The following HHAT variants were observed in gnomAD, a reference collection of about 807,000 sequenced individuals.
HHAT encodes the protein protein-cysteine N-palmitoyltransferase HHAT.
HHAT carries 47 observed loss-of-function variants against 70.8 expected under a neutral mutation model. That is an observed-to-expected ratio of 0.66 (90% CI 0.53 to 0.85). The LOEUF is 0.85. Among genes scored for constraint, HHAT ranks in the 40% least tolerant of loss-of-function variants. The pLI is 0.00. For synonymous variants in HHAT, 228 were observed against 247.6 expected (o/e 0.92, Z 0.74); for missense variants, 609 against 604.8 (o/e 1.01, Z -0.07).
At chr1:210,416,684 A>G (rs1218467494) in intron 6 of HHAT, among the ~76,000 whole-genome samples, 1 of 152,132 alleles carries the variant, frequency 6.6e-6, no homozygotes, top group African/African-American at 2.4e-5. Flanking sequence ...ATCTGTATCT[A>G]TGAATAATCA....
Position 210,674,524 on chromosome 1 carries a change from T to C in HHAT, c.*145T>C. ...CCTCACTCCAAGACTGGATGCTGGA[T>C]CTCATAGAAAATTCACAGCCAGACA... On this transcript the variant is annotated 3_prime_UTR_variant, in exon 12 of 12. Coordinates refer to ENST00000261458, the MANE Select transcript of HHAT (RefSeq NM_018194.6). 1 of 603,210 alleles carries C rather than the reference T, an allele frequency of 1.7e-6. No individual in the cohort carries two copies. The highest frequency in any genetic ancestry group is 2.2e-5 in the South Asian group (1 of 46,256). 37.4% of individuals were successfully genotyped at this position (603,210 alleles called of 1,614,324 possible).
At position 210,559,965 on chromosome 1, in the gene HHAT, G is replaced by T. The variant is rs182437276; in HGVS notation, c.1044-27933G>T. Among the ~76,000 whole-genome samples the T allele has an allele frequency of 3.1e-3, 468 of 151,540 alleles. 1 individual carries two copies. The highest frequency in any genetic ancestry group is 0.01 in the African/African-American group (427 of 40,832). On this transcript the variant is annotated intron_variant, in intron 9 of 11. Transcript: ENST00000261458. ...GAGCAGCTCTCTCTGGTAGTGCCAG[G>T]GGATTGGAGGCTTTCATCCACTAAT...
chr1:210,493,125 A>G (rs1271899862), intron 8 of HHAT, among the ~76,000 whole-genome samples: 1 of 152,050 alleles, frequency 6.6e-6, no homozygotes, highest in South Asian at 2.1e-4. Context: ...CACAGTGCTA[A>G]GTTTGCAACT....
chr1:210,589,075 G>A (rs1661105899), intron 10 of HHAT: 1 of 152,154 alleles, frequency 6.6e-6, no homozygotes, highest in African/African-American at 2.4e-5. Flanking sequence ...GAAAAAAGTA[G>A]CTAAAAAGAA....
intron 8 of HHAT, among the ~76,000 whole-genome samples, chr1:210,510,712 T>A (rs1406969963): frequency 3.9e-5 from 6 of 152,246 alleles, no homozygotes; most frequent in African/African-American, 1.4e-4. Context: ...CTGTCAGCTC[T>A]GGGCATACCA....
At chr1:210,335,066 G>C (rs1195996570) in intron 1 of HHAT, among the ~76,000 whole-genome samples, 5 of 152,050 alleles carry the variant, frequency 3.3e-5, no homozygotes, top group African/African-American at 1.2e-4. Flanking sequence ...GCACAATCTT[G>C]TTACTAAAAA....
chr1:210,626,597 T>C (rs750519120), intron 11 of HHAT, among the ~76,000 whole-genome samples: 20 of 152,056 alleles, frequency 1.3e-4, no homozygotes, highest in Non-Finnish European at 2.1e-4. Context: ...TTGCTGTGGG[T>C]TTTTGTCCCT....
At chr1:210,539,799 C>A (rs1458657869) in intron 9 of HHAT, among the ~76,000 whole-genome samples, 2 of 152,056 alleles carry the variant, frequency 1.3e-5, no homozygotes, top group Non-Finnish European at 2.9e-5. Context: ...CTCACGAAGC[C>A]CTGTCATCCT....
At chr1:210,578,568 C>G (rs1340675912) in intron 9 of HHAT, among the ~76,000 whole-genome samples, 1 of 152,028 alleles carries the variant, frequency 6.6e-6, no homozygotes, top group Non-Finnish European at 1.5e-5. Flanking sequence ...ACAGAAATAA[C>G]CTAAATATCT....
chr1:210,624,097 C>G (rs988072488), intron 11 of HHAT, among the ~76,000 whole-genome samples: 2 of 151,956 alleles, frequency 1.3e-5, no homozygotes, highest in African/African-American at 4.8e-5. Flanking sequence ...AGGGGTCTGC[C>G]CGCATGAATG....
chr1:210,412,632 C>G (rs141410455), intron 6 of HHAT, among the ~76,000 whole-genome samples: 152 of 152,332 alleles, frequency 1.0e-3, no homozygotes, highest in Non-Finnish European at 2.0e-3. Context: ...TTACTCTGCC[C>G]TCCAGGCCCA....
At chr1:210,558,798 T>C (rs990621186) in intron 9 of HHAT, among the ~76,000 whole-genome samples, 8 of 152,168 alleles carry the variant, frequency 5.3e-5, no homozygotes, top group Admixed American at 5.2e-4. Flanking sequence ...AGGCCAGGCA[T>C]GCATGGGTTG....
At chr1:210,650,277 C>T (rs1378196184) in intron 11 of HHAT, among the ~76,000 whole-genome samples, 2 of 152,142 alleles carry the variant, frequency 1.3e-5, no homozygotes, top group African/African-American at 2.4e-5. Context: ...ACAAGAGGCT[C>T]AGAGAAGTTG....
chr1:210,415,293 A>T (rs2092686394), intron 6 of HHAT, among the ~76,000 whole-genome samples: 1 of 152,178 alleles, frequency 6.6e-6, no homozygotes, highest in African/African-American at 2.4e-5. Flanking sequence ...GGATTTAGTG[A>T]TTGACTGGCT....
chr1:210,617,567 C>G (rs183378444), intron 10 of HHAT, among the ~76,000 whole-genome samples: 3 of 152,318 alleles, frequency 2.0e-5, no homozygotes, highest in African/African-American at 7.2e-5. Flanking sequence ...GCACCCCAAA[C>G]ATGGCTTAAG....
Position 210,400,609 on chromosome 1 carries a change from T to C in HHAT, c.415T>C (p.Cys139Arg), listed in dbSNP as rs750090558. Residue 139 changes from cysteine to arginine, a missense_variant, in exon 5 of 12, where the codon TGT becomes CGT. Cys to Arg is a radical substitution (Grantham distance 180, BLOSUM62 -3). Transcript: ENST00000261458. ...QFRSQLLTWL[C>R]SLLLLSTLRL... ...CCGGTCTCAGCTCCTGACGTGGCTC[T>C]GTTCTCTCCTCCTCCTCTCCACACT... 6.2e-7 allele frequency: 1 copy of C among 1,614,172 alleles called. No individual in the cohort carries two copies. The highest frequency in any genetic ancestry group is 8.5e-7 in the Non-Finnish European group (1 of 1,180,014).
chr1:210,532,935 G>A lies in HHAT; in HGVS notation c.1043+19747G>A, dbSNP rs144312412. Among the ~76,000 whole-genome samples the A allele has an allele frequency of 1.5e-3, 236 of 152,278 alleles. 1 individual carries two copies. The highest frequency in any genetic ancestry group is 5.4e-3 in the African/African-American group (223 of 41,550). On this transcript the variant is annotated intron_variant, in intron 9 of 11. Transcript: ENST00000261458. ...ACAATATTTATAATGGAAAAATGAG[G>A]CTTGGGTTCATATTCTATTTACTGA... is the stretch of plus-strand genomic sequence containing the variant.
chr1:210,375,677 A>G (rs1411306795), intron 3 of HHAT, among the ~76,000 whole-genome samples: 1 of 149,686 alleles, frequency 6.7e-6, no homozygotes, highest in Non-Finnish European at 1.5e-5. Flanking sequence ...TTTTTTTGCC[A>G]TTATTTCTTT....
At chr1:210,577,137 A>G (rs1657983616) in intron 9 of HHAT, among the ~76,000 whole-genome samples, 1 of 151,836 alleles carries the variant, frequency 6.6e-6, no homozygotes, top group African/African-American at 2.4e-5. Context: ...AACAGACATA[A>G]TGTTATTTCT....
Sources: allele counts gnomAD v4.1 joint callset (sites outside exome capture counted in the v4.1 genomes callset), GRCh38; gene constraint gnomAD v4.1.1; transcripts MANE v1.5; gene names NCBI Gene and HGNC (gene_info 2026-07-23, HGNC 2026-07-21).